Variants in CNTN5 observed in about 807,000 individuals in gnomAD.
CNTN5 encodes contactin-5.
Under a neutral mutation model 129.1 loss-of-function variants are expected in CNTN5, and 77 were observed. That is an observed-to-expected ratio of 0.60 (90% CI 0.50 to 0.72). The LOEUF is 0.72. Among genes scored for constraint, CNTN5 ranks in the 30% least tolerant of loss-of-function variants. The pLI is 0.00. For missense variants in CNTN5, 1,478 were observed against 1,328.8 expected, an observed-to-expected ratio of 1.11 and a Z score of -1.75; for synonymous variants, 509 against 465.6, an observed-to-expected ratio of 1.09 and a Z score of -1.20.
At chr11:99,569,390 T>C (rs1403568509) in intron 3 of CNTN5, among the ~76,000 whole-genome samples, 1 of 152,180 alleles carries the variant, frequency 6.6e-6, no homozygotes, top group Non-Finnish European at 1.5e-5. Context: ...GTGGCCTCAC[T>C]GCAAGCTCCG....
At position 99,438,939 on chromosome 11, in the gene CNTN5, C is replaced by T. The variant is rs17663010; in HGVS notation, c.-71+113455C>T. On this transcript the variant is annotated intron_variant, in intron 2 of 24. Transcript: ENST00000524871. ...TCGATGATGTTGTGACGCTATAGAA[C>T]TGGTGATATGTAGTGAACAAAATAA... is the stretch of plus-strand genomic sequence containing the variant. 8.1e-3 allele frequency among the ~76,000 whole-genome samples: 1,231 copies of T among 152,226 alleles called. 7 individuals are homozygous for T. The highest frequency in any genetic ancestry group is 0.013 in the Non-Finnish European group (883 of 68,020).
chr11:99,201,128 G>A (rs1591350795), intron 1 of CNTN5, among the ~76,000 whole-genome samples: 2 of 146,400 alleles, frequency 1.4e-5, no homozygotes, highest in Admixed American at 7.0e-5. Context: ...GGGTTCCAGC[G>A]ATTCTCCTGC....
chr11:99,365,819 T>C (rs1028754425), intron 2 of CNTN5, among the ~76,000 whole-genome samples: 1 of 152,140 alleles, frequency 6.6e-6, no homozygotes, highest in African/African-American at 2.4e-5. Flanking sequence ...TCATCAAACA[T>C]AGTATAATTG....
At chr11:100,173,234 G>A (rs1352892069) in intron 13 of CNTN5, among the ~76,000 whole-genome samples, 1 of 152,018 alleles carries the variant, frequency 6.6e-6, no homozygotes, top group Non-Finnish European at 1.5e-5. Context: ...CTTTACATAT[G>A]AGAATATTAA....
intron 1 of CNTN5, among the ~76,000 whole-genome samples, chr11:99,315,527 T>A (rs754413692): frequency 3.3e-5 from 5 of 149,626 alleles, no homozygotes; most frequent in Non-Finnish European, 6.0e-5. Context: ...CAACAGAACA[T>A]AGTCAATTAT....
intron 6 of CNTN5, among the ~76,000 whole-genome samples, chr11:99,913,730 C>A (rs546768785): frequency 3.9e-5 from 6 of 151,984 alleles, no homozygotes; most frequent in Non-Finnish European, 8.8e-5. Flanking sequence ...CAGAAATAGG[C>A]ATTAATTTAG....
chr11:99,898,232 G>A (rs1344102183), intron 6 of CNTN5, among the ~76,000 whole-genome samples: 1 of 151,938 alleles, frequency 6.6e-6, no homozygotes, highest in Non-Finnish European at 1.5e-5. Context: ...AACTAAATGA[G>A]TTTGAGGCCA....
intron 3 of CNTN5, among the ~76,000 whole-genome samples, chr11:99,694,613 G>T (rs981694645): frequency 1.3e-5 from 2 of 152,022 alleles, no homozygotes; most frequent in African/African-American, 4.8e-5. Context: ...GTGGTTTGCT[G>T]CACCTATCAA....
At chr11:99,357,557 G>A (rs1018644733) in intron 2 of CNTN5, among the ~76,000 whole-genome samples, 1 of 146,772 alleles carries the variant, frequency 6.8e-6, no homozygotes, top group Non-Finnish European at 1.5e-5. Context: ...AATGATAACA[G>A]AGAGAAGAAT....
intron 6 of CNTN5, among the ~76,000 whole-genome samples, chr11:99,911,563 G>T (rs1949659990): frequency 6.6e-6 from 1 of 151,760 alleles, no homozygotes; most frequent in South Asian, 2.1e-4. Flanking sequence ...TAAGATACAA[G>T]ATCAGTGTCC....
chr11:99,454,888 T>A (rs1438729509), intron 2 of CNTN5, among the ~76,000 whole-genome samples: 1 of 152,122 alleles, frequency 6.6e-6, no homozygotes, highest in Non-Finnish European at 1.5e-5. Context: ...GGAAATCTAG[T>A]AGCCTCCCAG....
chr11:100,120,007 G>A (rs1484980974), intron 13 of CNTN5, among the ~76,000 whole-genome samples: 1 of 151,870 alleles, frequency 6.6e-6, no homozygotes, highest in African/African-American at 2.4e-5. Flanking sequence ...ATGCAGTTTT[G>A]CATGTTTTTC....
At chr11:99,302,259 A>T (rs1864677419) in intron 1 of CNTN5, among the ~76,000 whole-genome samples, 1 of 151,748 alleles carries the variant, frequency 6.6e-6, no homozygotes, top group Admixed American at 6.6e-5. Flanking sequence ...TAAAAACAAT[A>T]GTGAAAAGTC....
At chr11:99,419,056 A>G (rs1565566500) in intron 2 of CNTN5, among the ~76,000 whole-genome samples, 1 of 152,178 alleles carries the variant, frequency 6.6e-6, no homozygotes, top group Non-Finnish European at 1.5e-5. Flanking sequence ...TTTCTACATA[A>G]TACAGTGCCT....
intron 3 of CNTN5, among the ~76,000 whole-genome samples, chr11:99,719,088 G>A (rs1364611092): frequency 6.6e-6 from 1 of 152,098 alleles, no homozygotes. Flanking sequence ...GGAGGCCGAA[G>A]CAGGTGGATC....
intron 3 of CNTN5, among the ~76,000 whole-genome samples, chr11:99,763,125 T>C (rs183551300): frequency 3.4e-5 from 4 of 117,328 alleles, no homozygotes; most frequent in Admixed American, 7.8e-5. Flanking sequence ...TCATATACTT[T>C]ACTGTATCAA....
chr11:99,376,913 C>G (rs1467289790), intron 2 of CNTN5, among the ~76,000 whole-genome samples: 1 of 152,040 alleles, frequency 6.6e-6, no homozygotes, highest in Non-Finnish European at 1.5e-5. Context: ...GAACAGAATT[C>G]GATTTATTAA....
chr11:99,893,497 G>C (rs184009469), intron 6 of CNTN5, among the ~76,000 whole-genome samples: 2 of 152,152 alleles, frequency 1.3e-5, no homozygotes, highest in Admixed American at 1.3e-4. Flanking sequence ...AATGTTTGTT[G>C]AGCACCCACT....
chr11:99,514,076 G>T (rs1384040223), intron 2 of CNTN5, among the ~76,000 whole-genome samples: 2 of 152,062 alleles, frequency 1.3e-5, no homozygotes, highest in East Asian at 1.9e-4. Context: ...GGGGTTAAAA[G>T]ATGTCAATTT....
Sources: gnomAD v4.1 joint callset for allele counts (sites outside exome capture counted in the v4.1 genomes callset) on GRCh38, gnomAD v4.1.1 for gene constraint, MANE v1.5 for transcripts, NCBI Gene and HGNC (gene_info 2026-07-23, HGNC 2026-07-21) for gene names.